The following TMEM175 variants were observed in gnomAD, a reference collection of about 807,000 sequenced individuals.
TMEM175 encodes the protein transmembrane protein 175.
In TMEM175, 36 loss-of-function variants were observed where a neutral mutation model predicts 36.5. That is an observed-to-expected ratio of 0.99 (90% CI 0.76 to 1.30). The LOEUF is 1.30. Among genes scored for constraint, TMEM175 ranks in the 50% most tolerant of loss-of-function variants. TMEM175 has a pLI of 0.00. For missense variants in TMEM175, 705 were observed against 692.8 expected (o/e 1.02, Z -0.20); for synonymous variants, 339 against 313.4 (o/e 1.08, Z -0.86).
chr4:956,323 C>T (rs1296430969), intron 10 of TMEM175: 2 of 1,288,114 alleles, frequency 1.6e-6, no homozygotes, highest in South Asian at 2.5e-5. Context: ...GCAGCCCCTC[C>T]TGCTCCCTTT....
chr4:950,858 G>A (rs1232959281), intron 4 of TMEM175, among the ~76,000 whole-genome samples: 1 of 151,780 alleles, frequency 6.6e-6, no homozygotes, highest in African/African-American at 2.4e-5. Flanking sequence ...AGGCGGAGGT[G>A]TGGACGGTGC....
At chr4:953,798 A>G (rs1262495615) in intron 8 of TMEM175, among the ~76,000 whole-genome samples, 2 of 152,074 alleles carry the variant, frequency 1.3e-5, no homozygotes, top group Non-Finnish European at 2.9e-5. Context: ...TGATTCTCTC[A>G]CCTCAGCCTC....
chr4:954,050 G>A (rs757438328), intron 8 of TMEM175, among the ~76,000 whole-genome samples: 15 of 151,186 alleles, frequency 9.9e-5, no homozygotes, highest in African/African-American at 3.2e-4. Context: ...GTGCACTGGC[G>A]CAATCTCGGC....
Position 950,414 on chromosome 4 carries a change from A to T in TMEM175, c.193-7A>T. 6.2e-7 allele frequency: 1 copy of T among 1,609,786 alleles called. No homozygotes were observed. The highest frequency in any genetic ancestry group is 8.5e-7 in the Non-Finnish European group (1 of 1,176,146). On this transcript the variant is annotated splice_region_variant and splice_polypyrimidine_tract_variant and intron_variant, in intron 3 of 10. Coordinates refer to ENST00000264771, the MANE Select transcript of TMEM175 (RefSeq NM_032326.4). Reference sequence around the variant, plus strand: ...TGGGCTCTGACAGCAGTGCTCTTGTATTCCAGCAGTTCGACAGAAGTGTAC... The same window carrying T: ...TGGGCTCTGACAGCAGTGCTCTTGTTTTCCAGCAGTTCGACAGAAGTGTAC...
intron 10 of TMEM175, 51 bp downstream of exon 10, chr4:955,941 G>A (rs374264012): frequency 5.6e-6 from 9 of 1,594,638 alleles, no homozygotes; most frequent in East Asian, 2.2e-5. Flanking sequence ...AATGTGTCTT[G>A]AGTCCCTGGC....
At chr4:946,970 C>T in intron 1 of TMEM175, among the ~76,000 whole-genome samples, 1 of 142,486 alleles carries the variant, frequency 7.0e-6, no homozygotes, top group South Asian at 2.3e-4. Context: ...GGAGACAGCC[C>T]CAGGCACGCG....
chr4:951,563 C>T (rs113068700), intron 5 of TMEM175, 119 bp from the exon 6 acceptor site: 29 of 1,336,652 alleles, frequency 2.2e-5, no homozygotes, highest in Middle Eastern at 1.9e-4. Context: ...GACTCACACT[C>T]GCTGGCCCAC....
At chr4:940,468 A>AAAT (rs1553904271) in intron 1 of TMEM175, among the ~76,000 whole-genome samples, 8 of 150,076 alleles carry the variant, frequency 5.3e-5, no homozygotes, top group African/African-American at 2.0e-4. Context: ...AAAAAAAAAA[A>AAAT]GCAGTAGTTG....
intron 8 of TMEM175, among the ~76,000 whole-genome samples, 159 bp downstream of exon 8, chr4:953,513 G>A (rs1049636419): frequency 6.6e-6 from 1 of 152,220 alleles, no homozygotes; most frequent in African/African-American, 2.4e-5. Flanking sequence ...GCAGTGAGTG[G>A]CACCAGGGAG....
At chr4:956,038 G>C in intron 10 of TMEM175, 148 bp downstream of exon 10, 1 of 1,042,542 alleles carries the variant, frequency 9.6e-7, no homozygotes. Context: ...GGTCAGGGCA[G>C]CCCCCACTTC....
In TMEM175 at chr4:940,483, G is replaced by A. The variant is rs531595711; in HGVS notation, c.-31-7226G>A. ...AAAAAAAAAAAGCAGTAGTTGCTAG[G>A]GGTTCAGGAAGAAAGAGGGAGGGTG... On this transcript the variant is annotated intron_variant, in intron 1 of 10. Coordinates refer to ENST00000264771, the MANE Select transcript of TMEM175 (RefSeq NM_032326.4). 3.6e-4 allele frequency among the ~76,000 whole-genome samples: 55 copies of A among 151,758 alleles called. 1 individual carries two copies. Among genetic ancestry groups the A allele is most frequent in the African/African-American group, 1.3e-3 (53 of 41,366 alleles).
At chr4:933,272 C>T (rs745418700) in intron 1 of TMEM175, among the ~76,000 whole-genome samples, 21 of 151,938 alleles carry the variant, frequency 1.4e-4, no homozygotes, top group Non-Finnish European at 2.6e-4. Flanking sequence ...TTTGGGAGGC[C>T]GAGGCAGGCG....
chr4:942,411 T>G (rs1727634632), intron 1 of TMEM175, among the ~76,000 whole-genome samples: 1 of 152,146 alleles, frequency 6.6e-6, no homozygotes. Context: ...CCAACACCAT[T>G]TGTGAAAAAG....
At chr4:957,800 A>G (rs1473595837) in intron 10 of TMEM175, 24 bp from the exon 11 acceptor site, 1 of 1,574,238 alleles carries the variant, frequency 6.4e-7, no homozygotes, top group Non-Finnish European at 8.6e-7. Context: ...GGCCGGCACA[A>G]ATGCATCTAT....
Position 955,776 on chromosome 4 carries a change from AC to A in TMEM175, c.731del (p.Pro244GlnfsTer48). 6.2e-7 allele frequency: 1 copy of A among 1,613,304 alleles called. No homozygotes were observed. The highest frequency in any genetic ancestry group is 2.2e-5 in the East Asian group (1 of 44,834). The stretch of plus-strand genomic sequence containing the variant: ...CCAGGCCACAGGGAGCCCTCGGCTC[AC>A]CCAGTGGAAGTCTTCTCGTTTGACC... ...RLLGHREPSAHPVEVFSFDLH... is the reference protein window; with the variant it reads ...RLLGHREPSAXPVEVFSFDLH... On this transcript the variant is annotated frameshift_variant, in exon 10 of 11. Coordinates refer to ENST00000264771, the MANE Select transcript of TMEM175 (RefSeq NM_032326.4). LOFTEE classifies it high-confidence loss of function.
At chr4:951,848 T>C (rs1728931287) in intron 6 of TMEM175, 131 bp downstream of exon 6, 1 of 1,037,184 alleles carries the variant, frequency 9.6e-7, no homozygotes, top group South Asian at 1.4e-5. Flanking sequence ...GAGAAGGTTC[T>C]GGGGAGAGCC....
chr4:958,137 G>T lies in TMEM175; in HGVS notation c.1156G>T (p.Ala386Ser). ...TGTCAGCTGCACCATCATCTTCCTGGCCAGCATCTTCCAGCTGGCCATGTG... is the reference window on the plus strand; with the variant it reads ...TGTCAGCTGCACCATCATCTTCCTGTCCAGCATCTTCCAGCTGGCCATGTG... ...VRVSCTIIFL[A>S]SIFQLAMWTT... is the part of the protein sequence containing the mutation. Residue 386 changes from alanine to serine, a missense_variant, in exon 11 of 11, where the codon GCC (alanine) becomes TCC (serine). By Grantham distance (99) the Ala-to-Ser change is moderately conservative. Coordinates refer to ENST00000264771, the MANE Select transcript of TMEM175 (RefSeq NM_032326.4). The T allele has an allele frequency of 6.2e-7, 1 of 1,603,110 alleles. No homozygotes were observed. Among genetic ancestry groups the T allele is most frequent in the Non-Finnish European group, 8.5e-7 (1 of 1,179,614 alleles).
At chr4:950,105 C>G (rs935241302) in intron 3 of TMEM175, among the ~76,000 whole-genome samples, 1 of 151,968 alleles carries the variant, frequency 6.6e-6, no homozygotes, top group African/African-American at 2.4e-5. Flanking sequence ...AGCAGGAACA[C>G]AGCCCATAGA....
At chr4:936,397 C>CA (rs201611407) in intron 1 of TMEM175, among the ~76,000 whole-genome samples, 4,149 of 150,992 alleles carry the variant, frequency 0.027, 76 homozygotes, top group Middle Eastern at 0.088. Flanking sequence ...GAGTGGAATT[C>CA]AAAAAAATAG....
Sources: gnomAD v4.1 joint callset for allele counts (sites outside exome capture counted in the v4.1 genomes callset) on GRCh38, gnomAD v4.1.1 for gene constraint, MANE v1.5 for transcripts, NCBI Gene and HGNC (gene_info 2026-07-23, HGNC 2026-07-21) for gene names.